MGMT: variants seen among roughly 807,000 people sequenced by gnomAD.
MGMT encodes the protein methylated-DNA--protein-cysteine methyltransferase.
A neutral mutation model predicts 15.9 loss-of-function variants in MGMT; 14 were observed. That is an observed-to-expected ratio of 0.88 (90% confidence interval 0.58 to 1.37). The LOEUF is 1.37. Among genes scored for constraint, MGMT ranks in the 40% most tolerant of loss-of-function variants. The pLI, the probability that MGMT is intolerant of heterozygous loss-of-function variation, is 0.00. For synonymous variants in MGMT, 130 were observed against 118.2 expected, an observed-to-expected ratio of 1.10 and a Z score of -0.65; for missense variants, 282 against 268.1, an observed-to-expected ratio of 1.05 and a Z score of -0.36.
At chr10:129,511,953 A>G (rs61859852) in intron 1 of MGMT, among the ~76,000 whole-genome samples, 23,577 of 152,174 alleles carry the variant, frequency 0.15, 2,556 homozygotes, top group African/African-American at 0.3. Context: ...GCTCTTCCTT[A>G]GGTCTGAGTC....
intron 3 of MGMT, among the ~76,000 whole-genome samples, chr10:129,750,160 G>T (rs1848737113): frequency 6.6e-6 from 1 of 151,848 alleles, no homozygotes; most frequent in African/African-American, 2.4e-5. Flanking sequence ...CATGAATCAT[G>T]TTGTATCTAA....
intron 2 of MGMT, among the ~76,000 whole-genome samples, chr10:129,641,735 G>C (rs1847330035): frequency 6.6e-6 from 1 of 152,102 alleles, no homozygotes; most frequent in Non-Finnish European, 1.5e-5. Context: ...TCTGTGTTAT[G>C]ACAGTTATAG....
intron 2 of MGMT, among the ~76,000 whole-genome samples, chr10:129,673,957 G>A (rs1847755486): frequency 6.6e-6 from 1 of 152,154 alleles, no homozygotes; most frequent in South Asian, 2.1e-4. Context: ...GGTTGCTTCT[G>A]TCTGGGTTTG....
chr10:129,527,170 G>A (rs1376173405), intron 1 of MGMT, among the ~76,000 whole-genome samples: 1 of 152,208 alleles, frequency 6.6e-6, no homozygotes, highest in Non-Finnish European at 1.5e-5. Flanking sequence ...TGTCGTCCCT[G>A]TGCAAGCCTG....
intron 2 of MGMT, among the ~76,000 whole-genome samples, chr10:129,560,532 A>G (rs1846264522): frequency 6.6e-6 from 1 of 152,208 alleles, no homozygotes; most frequent in Non-Finnish European, 1.5e-5. Context: ...CTGTTCTGCA[A>G]AACAAACCAT....
chr10:129,598,490 C>CTTGGTGG (rs1846779291), intron 2 of MGMT, among the ~76,000 whole-genome samples: 2 of 152,294 alleles, frequency 1.3e-5, no homozygotes, highest in South Asian at 4.2e-4. Flanking sequence ...GTGGCCCACA[C>CTTGGTGG]TCCCCTGCAG....
intron 1 of MGMT, 49 bp from the exon 2 acceptor site, chr10:129,536,192 G>A (rs774553628): frequency 2.9e-5 from 46 of 1,595,510 alleles, no homozygotes; most frequent in Non-Finnish European, 3.4e-5. Flanking sequence ...TTTTATATAC[G>A]ACCAGCCTCT....
intron 2 of MGMT, among the ~76,000 whole-genome samples, chr10:129,705,132 G>A (rs538899241): frequency 2.6e-5 from 4 of 152,334 alleles, no homozygotes; most frequent in East Asian, 1.9e-4. Flanking sequence ...TGTAGATGTC[G>A]CAGACGCAGG....
chr10:129,737,176 C>T (rs1197586637), intron 3 of MGMT, among the ~76,000 whole-genome samples: 2 of 152,292 alleles, frequency 1.3e-5, no homozygotes, highest in African/African-American at 2.4e-5. Flanking sequence ...TTCCATTCTC[C>T]CTGTCACTTT....
chr10:129,471,144 T>G (rs1293038457), intron 1 of MGMT, among the ~76,000 whole-genome samples: 1 of 152,240 alleles, frequency 6.6e-6, no homozygotes, highest in African/African-American at 2.4e-5. Context: ...TGTGTTTTTA[T>G]TATAGACATC....
intron 2 of MGMT, among the ~76,000 whole-genome samples, chr10:129,670,009 G>A (rs1178728885): frequency 6.6e-6 from 1 of 152,056 alleles, no homozygotes; most frequent in Non-Finnish European, 1.5e-5. Flanking sequence ...GCAGTAAAAC[G>A]TTACTACCTC....
chr10:129,506,923 T>G (rs1180916072), intron 1 of MGMT, among the ~76,000 whole-genome samples: 1 of 151,542 alleles, frequency 6.6e-6, no homozygotes, highest in Non-Finnish European at 1.5e-5. Context: ...CAACACAATA[T>G]AGTCAGGGCT....
At chr10:129,653,882 G>A (rs181224650) in intron 2 of MGMT, among the ~76,000 whole-genome samples, 1 of 152,294 alleles carries the variant, frequency 6.6e-6, no homozygotes, top group African/African-American at 2.4e-5. Context: ...GCATGAGGAG[G>A]ACCCTGTGCT....
At chr10:129,657,691 A>G (rs915100219) in intron 2 of MGMT, among the ~76,000 whole-genome samples, 5 of 141,652 alleles carry the variant, frequency 3.5e-5, no homozygotes, top group African/African-American at 1.4e-4. Flanking sequence ...ACACACACAC[A>G]CACACACACA....
At chr10:129,506,941 C>A (rs1480367028) in intron 1 of MGMT, among the ~76,000 whole-genome samples, 4 of 149,198 alleles carry the variant, frequency 2.7e-5, no homozygotes, top group Non-Finnish European at 5.9e-5. Context: ...GCTGTGGGCC[C>A]TGAGCCCATC....
chr10:129,468,710 C>T (rs991570279), intron 1 of MGMT, among the ~76,000 whole-genome samples: 1 of 151,976 alleles, frequency 6.6e-6, no homozygotes, highest in Non-Finnish European at 1.5e-5. Context: ...CATGGTGAAA[C>T]CCAGTTTCTA....
intron 2 of MGMT, among the ~76,000 whole-genome samples, chr10:129,688,936 T>G (rs1022553793): frequency 1.6e-4 from 24 of 152,094 alleles, no homozygotes; most frequent in Admixed American, 6.6e-5. Context: ...TTTGTTTTTT[T>G]TTTAGAAAAT....
intron 2 of MGMT, among the ~76,000 whole-genome samples, chr10:129,565,352 G>C (rs1454524429): frequency 6.6e-6 from 1 of 152,034 alleles, no homozygotes; most frequent in Non-Finnish European, 1.5e-5. Flanking sequence ...ACAAGGCTAT[G>C]AAAGCATCAC....
At chr10:129,738,444 G>A (rs949990290) in intron 3 of MGMT, among the ~76,000 whole-genome samples, 214 of 152,298 alleles carry the variant, frequency 1.4e-3, no homozygotes, top group African/African-American at 4.9e-3. Flanking sequence ...ACTGACCTGC[G>A]CCCACTGTCT....
Sources: gnomAD v4.1 joint callset for allele counts (sites outside exome capture counted in the v4.1 genomes callset) on GRCh38, gnomAD v4.1.1 for gene constraint, MANE v1.5 for transcripts, NCBI Gene and HGNC (gene_info 2026-07-23, HGNC 2026-07-21) for gene names.